The following RBFOX2 variants were observed in gnomAD, a reference collection of about 807,000 sequenced individuals.
RBFOX2 encodes the protein RNA binding protein fox-1 homolog 2.
RBFOX2 carries 10 observed loss-of-function variants against 49.1 expected under a neutral mutation model. The ratio of observed to expected loss-of-function variants is 0.20; its 90% CI spans 0.13 to 0.35. The LOEUF (loss-of-function observed/expected upper bound fraction) is 0.35, where lower values mean the gene tolerates loss of function less well. Ranked by LOEUF, RBFOX2 falls within the 10% of genes least tolerant of loss-of-function variation. The pLI is 1.00. For missense variants in RBFOX2, 323 were observed against 486.9 expected (o/e 0.66, Z 3.17); for synonymous variants, 183 against 187.4 (o/e 0.98, Z 0.19).
chr22:35,892,367 G>A (rs921190881), intron 1 of RBFOX2, among the ~76,000 whole-genome samples: 1 of 152,124 alleles, frequency 6.6e-6, no homozygotes, highest in Non-Finnish European at 1.5e-5. Context: ...TAAAAAAGAG[G>A]ATGACTCAAC....
intron 1 of RBFOX2, among the ~76,000 whole-genome samples, chr22:35,985,111 C>A: frequency 6.6e-6 from 1 of 152,136 alleles, no homozygotes; most frequent in Non-Finnish European, 1.5e-5. Flanking sequence ...TTTGGTCCCT[C>A]AAGACCAAAT....
chr22:35,910,002 G>T (rs911774842), intron 1 of RBFOX2, among the ~76,000 whole-genome samples: 1 of 152,106 alleles, frequency 6.6e-6, no homozygotes, highest in Non-Finnish European at 1.5e-5. Context: ...TTTGATGATT[G>T]ACAATCATAA....
intron 4 of RBFOX2, among the ~76,000 whole-genome samples, chr22:35,775,871 A>G (rs1214151208): frequency 6.6e-6 from 1 of 151,466 alleles, no homozygotes; most frequent in Non-Finnish European, 1.5e-5. Context: ...AGAAAAGAAA[A>G]GAAAAGAAAA....
At chr22:35,821,811 T>A (rs1006077142) in intron 1 of RBFOX2, 8 of 518,620 alleles carry the variant, frequency 1.5e-5, no homozygotes, top group Admixed American at 5.8e-5. Context: ...CATAGGACTG[T>A]AGGACCTGGC....
At chr22:36,018,958 G>T (rs2059146535) in intron 1 of RBFOX2, among the ~76,000 whole-genome samples, 1 of 152,130 alleles carries the variant, frequency 6.6e-6, no homozygotes, top group African/African-American at 2.4e-5. Flanking sequence ...AGTCTGGAGA[G>T]CGGGTTTGAA....
chr22:35,794,966 A>T (rs1948494697), intron 2 of RBFOX2, among the ~76,000 whole-genome samples: 1 of 152,138 alleles, frequency 6.6e-6, no homozygotes, highest in Non-Finnish European at 1.5e-5. Flanking sequence ...AGCAATATTA[A>T]CATGTGCTGA....
intron 1 of RBFOX2, among the ~76,000 whole-genome samples, chr22:35,884,248 C>A (rs926032303): frequency 6.6e-6 from 1 of 152,106 alleles, no homozygotes; most frequent in Non-Finnish European, 1.5e-5. Context: ...CCGCCTGCCT[C>A]GGCCTCACAA....
chr22:35,900,556 G>A (rs989696707), intron 1 of RBFOX2, among the ~76,000 whole-genome samples: 3 of 148,398 alleles, frequency 2.0e-5, no homozygotes, highest in Non-Finnish European at 4.4e-5. Flanking sequence ...CTGAGGTAGA[G>A]AAATGAGATG....
intron 1 of RBFOX2, among the ~76,000 whole-genome samples, chr22:35,915,813 T>C (rs2050346850): frequency 6.6e-6 from 1 of 152,192 alleles, no homozygotes; most frequent in Non-Finnish European, 1.5e-5. Context: ...CTGGAATTGC[T>C]GGACAGATCA....
At chr22:35,789,178 T>C (rs532266786) in intron 2 of RBFOX2, among the ~76,000 whole-genome samples, 13 of 151,826 alleles carry the variant, frequency 8.6e-5, no homozygotes, top group South Asian at 4.2e-4. Flanking sequence ...CTATAAAGGA[T>C]AGAAATAGGT....
At chr22:35,943,771 G>A (rs2053952470), upstream of RBFOX2, among the ~76,000 whole-genome samples, 2 of 152,168 alleles carry the variant, frequency 1.3e-5, no homozygotes, top group African/African-American at 4.8e-5. Flanking sequence ...TGGGCATGGT[G>A]GTGGACACCT....
At chr22:35,788,103 T>C (rs1946794452) in intron 2 of RBFOX2, among the ~76,000 whole-genome samples, 1 of 152,228 alleles carries the variant, frequency 6.6e-6, no homozygotes, top group Non-Finnish European at 1.5e-5. Flanking sequence ...AATGTTTTCT[T>C]TTTTTGATGA....
chr22:35,851,964 T>C (rs538849466), intron 1 of RBFOX2, among the ~76,000 whole-genome samples: 2 of 152,298 alleles, frequency 1.3e-5, no homozygotes, highest in African/African-American at 4.8e-5. Flanking sequence ...TGCTTTGCCA[T>C]ACCTTAAGGG....
At chr22:35,940,918 A>G (rs1419832907), upstream of RBFOX2, among the ~76,000 whole-genome samples, 1 of 152,170 alleles carries the variant, frequency 6.6e-6, no homozygotes, top group Non-Finnish European at 1.5e-5. Flanking sequence ...TCCAGGGACT[A>G]GCGGGAAGAA....
chr22:35,896,598 G>T (rs938857852), intron 1 of RBFOX2, among the ~76,000 whole-genome samples: 2 of 152,110 alleles, frequency 1.3e-5, no homozygotes, highest in Non-Finnish European at 2.9e-5. Flanking sequence ...CCATAGTGGG[G>T]TTTCTTCCTC....
intron 1 of RBFOX2, among the ~76,000 whole-genome samples, chr22:35,983,821 T>G (rs2057576954): frequency 6.6e-6 from 1 of 152,138 alleles, no homozygotes; most frequent in South Asian, 2.1e-4. Context: ...TGTTTTCTCA[T>G]TACATGTGAC....
At chr22:35,840,560 A>C in exon 1 of RBFOX2, 1 of 1,173,358 alleles carries the variant, frequency 8.5e-7, no homozygotes, top group Non-Finnish European at 1.1e-6. Context: ...GACATCTCCC[A>C]ACTCCAGAAG....
chr22:35,821,705 G>C (rs1954549619), intron 1 of RBFOX2: 2 of 514,806 alleles, frequency 3.9e-6, no homozygotes, highest in Middle Eastern at 3.2e-4. Context: ...CTAAAAGGCA[G>C]AGGTTCCCAG....
intron 1 of RBFOX2, among the ~76,000 whole-genome samples, chr22:36,026,541 T>TACAGACATACACACAC (rs5845246): frequency 2.9e-5 from 4 of 136,562 alleles, no homozygotes; most frequent in African/African-American, 1.2e-4. Context: ...AATGAATACA[T>TACAGACATACACACAC]ACACACACAC....
Sources: allele counts gnomAD v4.1 joint callset (sites outside exome capture counted in the v4.1 genomes callset), GRCh38; gene constraint gnomAD v4.1.1; transcripts MANE v1.5; gene names NCBI Gene and HGNC (gene_info 2026-07-23, HGNC 2026-07-21).